Variants in ALMS1 observed in about 807,000 individuals in gnomAD.
The protein encoded by ALMS1 is ALMS1 centrosome and basal body associated protein.
In ALMS1, 271 loss-of-function variants were observed where a neutral mutation model predicts 352.2. The ratio of observed to expected loss-of-function variants is 0.77; its 90% CI spans 0.70 to 0.85. The LOEUF (loss-of-function observed/expected upper bound fraction) is 0.85, where lower values mean the gene tolerates loss of function less well. Among genes scored for constraint, ALMS1 ranks in the 40% least tolerant of loss-of-function variants. The pLI, the probability that ALMS1 is intolerant of heterozygous loss-of-function variation, is 0.00. For missense variants in ALMS1, 5,445 were observed against 4,870.7 expected, an observed-to-expected ratio of 1.12 and a Z score of -3.51; for synonymous variants, 1,865 against 1,761.2, an observed-to-expected ratio of 1.06 and a Z score of -1.48.
At chr2:73,430,641 C>T (rs1455108266) in intron 6 of ALMS1, among the ~76,000 whole-genome samples, 2 of 152,112 alleles carry the variant, frequency 1.3e-5, no homozygotes, top group Non-Finnish European at 2.9e-5. Flanking sequence ...CTGTACCTTT[C>T]CTATGTTTAG....
intron 10 of ALMS1, among the ~76,000 whole-genome samples, chr2:73,509,682 G>A (rs991548751): frequency 6.6e-6 from 1 of 152,170 alleles, no homozygotes; most frequent in Admixed American, 6.5e-5. Context: ...GTCTCTGGCT[G>A]CCCTTAATAT....
At position 73,448,240 on chromosome 2, in the gene ALMS1, C is replaced by T; in HGVS notation, c.1713C>T (p.Leu571=). ...AGAAGACTGCAACACCAACAGTACT[C>T]TCTAGTTCCCACTCACATAGGGGGA... ...ADQKTATPTV[L]SSSHSHRGKP... is the part of the protein sequence containing the mutation. Residue 571 remains leucine (L), a synonymous_variant, in exon 8 of 23, where the codon CTC becomes CTT. Coordinates refer to ENST00000613296, the MANE Select transcript of ALMS1 (RefSeq NM_001378454.1). The T allele has an allele frequency of 1.9e-6, 3 of 1,613,868 alleles. No homozygotes were observed. The highest frequency in any genetic ancestry group is 2.2e-5 in the East Asian group (1 of 44,876).
At chr2:73,558,019 A>T (rs1573018711) in intron 14 of ALMS1, among the ~76,000 whole-genome samples, 1 of 152,192 alleles carries the variant, frequency 6.6e-6, no homozygotes, top group Non-Finnish European at 1.5e-5. Context: ...CCATATTGCA[A>T]CCAGCAGGAA....
At position 73,386,211 on chromosome 2, in the gene ALMS1, G is replaced by T; in HGVS notation, c.324+19G>T. 6.6e-7 allele frequency: 1 copy of T among 1,515,226 alleles called. No individual in the cohort carries two copies. The highest frequency in any genetic ancestry group is 1.2e-5 in the South Asian group (1 of 81,350). 93.9% of individuals were successfully genotyped at this position (1,515,226 alleles called of 1,614,324 possible). On this transcript the variant is annotated intron_variant, in intron 1 of 22. Transcript: ENST00000613296. Reference sequence around the variant, plus strand: ...GGAGAAGGTGAGGCGGGCCGGGGAGGGGTGTGGAGCCGCGGCGAGTTGGGG... The same window carrying T: ...GGAGAAGGTGAGGCGGGCCGGGGAGTGGTGTGGAGCCGCGGCGAGTTGGGG...
chr2:73,499,528 A>C (rs906334801), intron 10 of ALMS1, among the ~76,000 whole-genome samples: 3 of 152,084 alleles, frequency 2.0e-5, no homozygotes, highest in African/African-American at 7.2e-5. Flanking sequence ...TGATTTTTGT[A>C]TATGGCGAAA....
chr2:73,607,193 C>A (rs779561811), intron 21 of ALMS1, among the ~76,000 whole-genome samples: 1 of 152,140 alleles, frequency 6.6e-6, no homozygotes, highest in Non-Finnish European at 1.5e-5. Context: ...ACTGCATATA[C>A]AGGTTTGTGT....
chr2:73,463,820 C>G (rs1282814265), intron 9 of ALMS1, among the ~76,000 whole-genome samples: 2 of 147,852 alleles, frequency 1.4e-5, no homozygotes, highest in African/African-American at 5.0e-5. Context: ...ACAAACACCT[C>G]TATGCAAATA....
chr2:73,562,014 G>A lies in ALMS1; in HGVS notation c.10384+2872G>A, dbSNP rs1301791495. Among the ~76,000 whole-genome samples the A allele has an allele frequency of 1.3e-4, 20 of 151,400 alleles. No homozygotes were observed. In the East Asian group the frequency reaches 3.7e-3, roughly 28 times the overall value. ...AAAGTACCAATTAGAAGAAAGAGAT[G>A]AAAGCAATTAAAAAAAAATGATGGA... On this transcript the variant is annotated intron_variant, in intron 15 of 22. Coordinates refer to ENST00000613296, the MANE Select transcript of ALMS1 (RefSeq NM_001378454.1).
intron 16 of ALMS1, among the ~76,000 whole-genome samples, chr2:73,596,009 A>G (rs906276885): frequency 6.6e-6 from 1 of 152,228 alleles, no homozygotes; most frequent in Non-Finnish European, 1.5e-5. Context: ...AGAGCTCTCT[A>G]TATACTCTGG....
intron 9 of ALMS1, among the ~76,000 whole-genome samples, chr2:73,486,280 T>C (rs1256109040): frequency 6.6e-6 from 1 of 152,164 alleles, no homozygotes; most frequent in Non-Finnish European, 1.5e-5. Flanking sequence ...CATTTTGTTT[T>C]GCTGGATAGT....
In ALMS1 at chr2:73,599,270, T is replaced by C; in HGVS notation, c.11548-131T>C. The C allele has an allele frequency of 5.8e-6, 7 of 1,216,612 alleles. No homozygotes were observed. The South Asian group carries it at 7.5e-5, about 13-fold the overall frequency. The allele number at this position is 1,216,612 out of a possible 1,614,324, so 75.4% of individuals were successfully genotyped here. ...TACAAGGCAGCAAGTTCACAGTATC[T>C]CAAGCTTCCTCCAAATGCATCTCAA... On this transcript the variant is annotated intron_variant, in intron 16 of 22. Transcript: ENST00000613296.
intron 12 of ALMS1, among the ~76,000 whole-genome samples, chr2:73,546,725 G>T (rs950792118): frequency 1.3e-5 from 2 of 152,212 alleles, no homozygotes; most frequent in African/African-American, 2.4e-5. Context: ...GTGTGAGAAT[G>T]TTCCGGCGAG....
In ALMS1 at chr2:73,455,759, ATGT is replaced by A. The variant is rs1271324228; in HGVS notation, c.7674+469_7674+471del. On this transcript the variant is annotated intron_variant, in intron 9 of 22. Coordinates refer to ENST00000613296, the MANE Select transcript of ALMS1 (RefSeq NM_001378454.1). ...AGTATTAGATTCTTACAGTCTAGAT[ATGT>A]TGTTTTTATTGATTCCAAATTCATA... is the stretch of plus-strand genomic sequence containing the variant. 7.2e-5 allele frequency among the ~76,000 whole-genome samples: 11 copies of A among 152,364 alleles called. No homozygotes were observed. The East Asian group carries it at 2.1e-3, about 29-fold the overall frequency.
chr2:73,579,448 C>A (rs986781234), intron 16 of ALMS1, among the ~76,000 whole-genome samples: 1 of 152,004 alleles, frequency 6.6e-6, no homozygotes, highest in Non-Finnish European at 1.5e-5. Flanking sequence ...GCAACCTCCA[C>A]CTCCCGGGTT....
intron 16 of ALMS1, among the ~76,000 whole-genome samples, chr2:73,587,851 C>T (rs1472389720): frequency 1.3e-5 from 2 of 152,024 alleles, no homozygotes; most frequent in Non-Finnish European, 2.9e-5. Flanking sequence ...CAACCAATAC[C>T]ACAGAAATAC....
chr2:73,454,358 T>C (rs1672016252), intron 8 of ALMS1: 1 of 985,382 alleles, frequency 1.0e-6, no homozygotes. Context: ...TAGATTCTGA[T>C]GTATGACAGA....
In ALMS1 at chr2:73,491,277, T is replaced by G. The variant is rs771679163; in HGVS notation, c.9318T>G (p.Pro3106=). The G allele has an allele frequency of 1.9e-6, 3 of 1,614,042 alleles. No homozygotes were observed. The highest frequency in any genetic ancestry group is 2.5e-6 in the Non-Finnish European group (3 of 1,180,032). ...EPTSKLLTSK[P]VAQDQESLGF... ...CCTCCAAATTATTGACCAGTAAACC[T>G]GTAGCACAGGATCAAGAATCTTTAG... Residue 3106 remains proline, a synonymous_variant, in exon 10 of 23, where the codon CCT becomes CCG. Coordinates refer to ENST00000613296, the MANE Select transcript of ALMS1 (RefSeq NM_001378454.1).
chr2:73,588,095 A>C (rs1204046364), intron 16 of ALMS1, among the ~76,000 whole-genome samples: 1 of 152,254 alleles, frequency 6.6e-6, no homozygotes, highest in South Asian at 2.1e-4. Context: ...AGACATTCAA[A>C]GAAGAATTGG....
rs1248840029 is a variant in ALMS1 at position 73,451,345 on chromosome 2, AAAG to A, written c.4820_4822del (p.Lys1607del). On this transcript the variant is annotated inframe_deletion, in exon 8 of 23. Transcript: ENST00000613296. ...CCATTGTTTCTGGACCTACTGAAAA[AAAG>A]ACTGACATACCAGCAGGACCTTTAG... is the stretch of plus-strand genomic sequence containing the variant. 5 of 1,613,730 alleles carry A rather than the reference AAAG, an allele frequency of 3.1e-6. No homozygotes were observed. The highest frequency in any genetic ancestry group is 8.5e-7 in the Non-Finnish European group (1 of 1,179,922).
Sources: allele counts gnomAD v4.1 joint callset (sites outside exome capture counted in the v4.1 genomes callset), GRCh38; gene constraint gnomAD v4.1.1; transcripts MANE v1.5; gene names NCBI Gene and HGNC (gene_info 2026-07-23, HGNC 2026-07-21).